The following H1-8 variants were observed in gnomAD, a reference collection of about 807,000 sequenced individuals.
H1-8 encodes H1.8 linker histone, also known as histone H1.8.
In H1-8, 13 loss-of-function variants were observed where a neutral mutation model predicts 19.5. The ratio of observed to expected loss-of-function variants is 0.67; its 90% confidence interval spans 0.43 to 1.06. H1-8 has a LOEUF of 1.06. H1-8 is among the 50% of genes least tolerant of loss of function. The probability of loss-of-function intolerance (pLI) is 0.00; values close to 1 mark genes in which losing one functional copy is unlikely to be tolerated. For synonymous variants in H1-8, 193 were observed against 187.6 expected (o/e 1.03, Z -0.24); for missense variants, 432 against 459.8 (o/e 0.94, Z 0.55).
chr3:129,543,989 G>C (rs1294937805), intron 1 of H1-8, among the ~76,000 whole-genome samples: 1 of 152,188 alleles, frequency 6.6e-6, no homozygotes, highest in Non-Finnish European at 1.5e-5. Context: ...GACACCTAGG[G>C]AGATAGGGAG....
At chr3:129,547,708 C>G in intron 2 of H1-8, 28 bp downstream of exon 2, 1 of 1,516,934 alleles carries the variant, frequency 6.6e-7, no homozygotes, top group Admixed American at 2.1e-5. Flanking sequence ...AGGACATAGC[C>G]CAGGGTTGGA....
chr3:129,551,118 T>G lies in H1-8; in HGVS notation c.819T>G (p.Gly273=), dbSNP rs3736170. The part of the protein sequence containing the change: ...SKPTASKVKN[G]AASPTKKKVV... ...TTGCTTTCGTATAGGTCAAGAATGG[T>G]GCTGCTTCCCCGACCAAAAAGAAGG... is the stretch of plus-strand genomic sequence containing the variant. The change falls in exon 5 of 5, where the codon GGT becomes GGG. Residue 273 remains glycine, a synonymous_variant. Coordinates refer to ENST00000324382, the MANE Select transcript of H1-8 (RefSeq NM_153833.3). The G allele has an allele frequency of 3.7e-6, 6 of 1,613,362 alleles. No individual in the cohort carries two copies. Among genetic ancestry groups the G allele is most frequent in the Non-Finnish European group, 4.2e-6 (5 of 1,179,896 alleles).
chr3:129,550,879 C>T (rs2108756651), intron 4 of H1-8, 70 bp downstream of exon 4: 3 of 1,392,414 alleles, frequency 2.2e-6, no homozygotes, highest in East Asian at 4.8e-5. Context: ...GCATCCCACA[C>T]TCAGCCCCCG....
At position 129,549,196 on chromosome 3, in the gene H1-8, G is replaced by A. The variant is rs767430899; in HGVS notation, c.574G>A (p.Ala192Thr). Residue 192 changes from alanine (A) to threonine (T), a missense_variant, in exon 3 of 5, where the codon GCA (alanine) becomes ACA (threonine). Physicochemically the swap from Ala to Thr is moderately conservative, Grantham distance 58. Coordinates refer to ENST00000324382, the MANE Select transcript of H1-8 (RefSeq NM_153833.3). The part of the protein sequence containing the change: ...KVQKPPPKPG[A>T]ATEKARKQGG... ...GCAGAAGCCTCCTCCCAAGCCAGGC[G>A]CAGCCACAGAGAAGGCTCGCAAGCA... 1.9e-5 allele frequency: 30 copies of A among 1,567,450 alleles called. No individual in the cohort carries two copies. The South Asian group carries it at 2.6e-4, about 13-fold the overall frequency.
Position 129,551,152 on chromosome 3 carries a change from A to G in H1-8, c.853A>G (p.Lys285Glu). ...ASPTKKKVVA[K>E]AKAPKAGQGP... The stretch of plus-strand genomic sequence containing the variant: ...CCCGACCAAAAAGAAGGTGGTGGCC[A>G]AGGCCAAGGCCCCTAAAGCTGGGCA... The change falls in exon 5 of 5, where the codon AAG becomes GAG. Residue 285 changes from lysine (K) to glutamate (E), a missense_variant. Physicochemically the swap from Lys to Glu is moderately conservative, Grantham distance 56. Transcript: ENST00000324382. 2 of 1,614,196 alleles carry G rather than the reference A, an allele frequency of 1.2e-6. No homozygotes were observed. The highest frequency in any genetic ancestry group is 1.7e-6 in the Non-Finnish European group (2 of 1,180,044).
intron 3 of H1-8, 85 bp from the exon 4 acceptor site, chr3:129,550,660 T>TG (rs2084926277): frequency 9.2e-7 from 1 of 1,091,898 alleles, no homozygotes; most frequent in Non-Finnish European, 1.4e-6. Context: ...CCAGGAGGAA[T>TG]GGGGGTTCTA....
intron 1 of H1-8, among the ~76,000 whole-genome samples, chr3:129,546,497 C>T (rs2625957): frequency 0.23 from 35,315 of 152,108 alleles, 5,987 homozygotes; most frequent in East Asian, 0.61. Flanking sequence ...ATCATTTCAT[C>T]TGTAAATATC....
intron 2 of H1-8, among the ~76,000 whole-genome samples, chr3:129,547,948 C>G (rs2084902963): frequency 6.6e-6 from 1 of 152,220 alleles, no homozygotes; most frequent in South Asian, 2.1e-4. Flanking sequence ...GTGCTAACTT[C>G]TGGGTCCTGG....
At chr3:129,544,435 A>C (rs1183655420) in intron 1 of H1-8, among the ~76,000 whole-genome samples, 1 of 151,486 alleles carries the variant, frequency 6.6e-6, no homozygotes, top group East Asian at 1.9e-4. Flanking sequence ...ATGGAGAGAA[A>C]AGCCTATGGG....
At position 129,547,458 on chromosome 3, in the gene H1-8, C is replaced by A; in HGVS notation, c.156C>A (p.His52Gln). 6.5e-7 allele frequency: 1 copy of A among 1,546,292 alleles called. No homozygotes were observed. The highest frequency in any genetic ancestry group is 2.4e-5 in the East Asian group (1 of 40,822). ...GCAGCCTCCCGGTGGGACGCCGCCA[C>A]CCCCCGGTGCTACGCATGGTGCTGG... Reference protein sequence around the residue: ...SHSSLPVGRRHPPVLRMVLEA... With the variant: ...SHSSLPVGRRQPPVLRMVLEA... Residue 52 changes from histidine to glutamine, a missense_variant, in exon 2 of 5, where the codon CAC becomes CAA. His to Gln is a conservative substitution (Grantham distance 24). Transcript: ENST00000324382.
At chr3:129,546,661 A>G (rs942079482) in intron 1 of H1-8, among the ~76,000 whole-genome samples, 4 of 152,194 alleles carry the variant, frequency 2.6e-5, no homozygotes, top group Admixed American at 2.6e-4. Flanking sequence ...GGATTGTTCA[A>G]ATCCTGCTCT....
intron 1 of H1-8, among the ~76,000 whole-genome samples, chr3:129,544,802 C>T (rs2084875988): frequency 6.6e-6 from 1 of 151,974 alleles, no homozygotes; most frequent in African/African-American, 2.4e-5. Context: ...GGGCTCAGAC[C>T]TCCTTAGAGG....
Position 129,550,987 on chromosome 3 carries a change from C to T in H1-8, c.808-120C>T. 2.0e-6 allele frequency: 2 copies of T among 1,010,156 alleles called. 1 individual carries two copies. Among genetic ancestry groups the T allele is most frequent in the South Asian group, 3.1e-5 (2 of 63,498 alleles). 62.6% of individuals were successfully genotyped at this position (1,010,156 alleles called of 1,614,324 possible). ...CTGGCACCCTGGGGGTGTTGCCATC[C>T]CCATCTTACAGATAAGAGACTAAGG... On this transcript the variant is annotated intron_variant, in intron 4 of 4. Transcript: ENST00000324382.
intron 2 of H1-8, chr3:129,548,563 C>T: frequency 1.1e-6 from 1 of 900,976 alleles, no homozygotes; most frequent in Non-Finnish European, 1.3e-6. Flanking sequence ...TTCCCTGCCG[C>T]TCACAGCCTT....
At position 129,550,871 on chromosome 3, in the gene H1-8, A is replaced by G. The variant is rs371708263; in HGVS notation, c.807+62A>G. On this transcript the variant is annotated intron_variant, in intron 4 of 4. Coordinates refer to ENST00000324382, the MANE Select transcript of H1-8 (RefSeq NM_153833.3). ...GCCCTGAACAGGCCAGAGCTTGGGC[A>G]TCCCACACTCAGCCCCCGGAAGGGT... is the stretch of plus-strand genomic sequence containing the variant. The G allele has an allele frequency of 1.7e-3, 2,403 of 1,442,318 alleles. 2 individuals are homozygous for G. Among genetic ancestry groups the G allele is most frequent in the Non-Finnish European group, 2.1e-3 (2,219 of 1,037,164 alleles). 89.3% of individuals were successfully genotyped at this position (1,442,318 alleles called of 1,614,324 possible). A position where few individuals can be genotyped will look rare whatever the true frequency, so the allele number is the denominator to read the frequency against.
rs2084873761 is a variant in H1-8 at position 129,544,442 on chromosome 3, T to C, written c.88+1136T>C. ...GCCAGAATATGGAGAGAAAAGCCTA[T>C]GGGGAGGCCTCGAGTGGGTGTGGTG... On this transcript the variant is annotated intron_variant, in intron 1 of 4. Transcript: ENST00000324382. 4.0e-5 allele frequency among the ~76,000 whole-genome samples: 6 copies of C among 150,820 alleles called. 1 individual carries two copies. Among genetic ancestry groups the C allele is most frequent in the Admixed American group, 2.6e-4 (4 of 15,100 alleles).
rs887051869 is a variant in H1-8, at chr3:129,549,273, G to GC, written c.657dup (p.Lys220GlnfsTer32). ...CACAGTCGGGAGAGGCTAGGAAGGT[G>GC]CCCCCCAAGCCAGACAAGGCCATGC... is the stretch of plus-strand genomic sequence containing the variant. On this transcript the variant is annotated frameshift_variant, in exon 3 of 5. Transcript: ENST00000324382. LOFTEE classifies it high-confidence loss of function. 2 of 1,574,336 alleles carry GC rather than the reference G, an allele frequency of 1.3e-6. No individual in the cohort carries two copies. The highest frequency in any genetic ancestry group is 1.3e-5 in the African/African-American group (1 of 74,544).
At chr3:129,543,364 T>G in intron 1 of H1-8, 58 bp downstream of exon 1, 1 of 1,267,788 alleles carries the variant, frequency 7.9e-7, no homozygotes. Flanking sequence ...CTGGGTTGCC[T>G]TTGATGCTCC....
At chr3:129,547,748 G>A (rs1048697375) in intron 2 of H1-8, 68 bp downstream of exon 2, 6 of 1,376,488 alleles carry the variant, frequency 4.4e-6, no homozygotes, top group South Asian at 1.5e-5. Context: ...TGAGTGCTGC[G>A]GCCTCTACTG....
Sources: gnomAD v4.1 joint callset for allele counts (sites outside exome capture counted in the v4.1 genomes callset) on GRCh38, gnomAD v4.1.1 for gene constraint, MANE v1.5 for transcripts, NCBI Gene and HGNC (gene_info 2026-07-23, HGNC 2026-07-21) for gene names.